Variants in ZWILCH observed in about 807,000 individuals in gnomAD.
The protein encoded by ZWILCH is protein zwilch homolog.
In ZWILCH, 74 loss-of-function variants were observed where a neutral mutation model predicts 79.9. That is an observed-to-expected ratio of 0.93 (90% CI 0.77 to 1.12). ZWILCH has a LOEUF of 1.12. Among genes scored for constraint, ZWILCH ranks in the 50% most tolerant of loss-of-function variants. The pLI is 0.00. For missense variants in ZWILCH, 694 were observed against 687.5 expected (o/e 1.01, Z -0.11); for synonymous variants, 241 against 228.2 (o/e 1.06, Z -0.51).
chr15:66,530,321 C>T (rs949363688), intron 12 of ZWILCH, among the ~76,000 whole-genome samples: 4 of 152,130 alleles, frequency 2.6e-5, no homozygotes, highest in Admixed American at 6.6e-5. Context: ...ATAGCAGTCA[C>T]CTCTGGTGGA....
chr15:66,505,911 T>TTCCATCAAGTTCTGCATCCTATGA (rs1458088786), intron 1 of ZWILCH, among the ~76,000 whole-genome samples: 2 of 152,254 alleles, frequency 1.3e-5, no homozygotes, highest in African/African-American at 4.8e-5. Context: ...GGTGAAGTAC[T>TTCCATCAAGTTCTGCATCCTATGA]ACTACCAAGG....
At chr15:66,514,816 A>T (rs923673112) in intron 3 of ZWILCH, among the ~76,000 whole-genome samples, 10 of 152,332 alleles carry the variant, frequency 6.6e-5, no homozygotes, top group African/African-American at 2.4e-4. Flanking sequence ...TGCCCTAGAG[A>T]AAAAGACTGT....
In ZWILCH at chr15:66,506,569, T is replaced by C. The variant is rs554335122; in HGVS notation, c.53+1178T>C. Among the ~76,000 whole-genome samples the C allele has an allele frequency of 4.6e-5, 7 of 152,218 alleles. No individual in the cohort carries two copies. The South Asian group carries it at 6.2e-4, about 14-fold the overall frequency. On this transcript the variant is annotated intron_variant, in intron 1 of 18. Coordinates refer to ENST00000307897, the MANE Select transcript of ZWILCH (RefSeq NM_017975.5). ...CTGTAATCCCAGCTACTTGGGAGAA[T>C]TGCTTGAACTCGGGAGGCAGAGGTT...
At chr15:66,517,446 A>ATGTG (rs1555424259) in intron 4 of ZWILCH, among the ~76,000 whole-genome samples, 1 of 125,786 alleles carries the variant, frequency 8.0e-6, no homozygotes, top group Non-Finnish European at 1.7e-5. Flanking sequence ...ATATATATAT[A>ATGTG]TATATATATA....
At chr15:66,546,929 G>T (rs1193531820) in intron 18 of ZWILCH, 2 of 199,826 alleles carry the variant, frequency 1.0e-5, no homozygotes, top group African/African-American at 2.3e-5. Flanking sequence ...TAAAACCAGA[G>T]AAATAAAAAA....
intron 10 of ZWILCH, 89 bp from the exon 11 acceptor site, chr15:66,528,763 C>A: frequency 9.6e-7 from 1 of 1,042,206 alleles, no homozygotes; most frequent in Non-Finnish European, 1.4e-6. Context: ...GTTCATGAAT[C>A]CATAATTTCT....
At chr15:66,537,296 G>T in intron 16 of ZWILCH, 33 bp downstream of exon 16, 1 of 1,523,628 alleles carries the variant, frequency 6.6e-7, no homozygotes, top group Non-Finnish European at 9.1e-7. Context: ...GGTGGCTCAT[G>T]CCTGTAATCC....
Position 66,515,646 on chromosome 15 carries a change from T to C in ZWILCH, c.320+2T>C. On this transcript the variant is annotated splice_donor_variant, in intron 4 of 18. Transcript: ENST00000307897. LOFTEE classifies it high-confidence loss of function. ...TGCTTTACCAGTTGGGAAGGCAAGG[T>C]AGGTTTTCTCTTATGCTGAGTAGGG... 1 of 1,603,314 alleles carries C rather than the reference T, an allele frequency of 6.2e-7. No individual in the cohort carries two copies. The highest frequency in any genetic ancestry group is 8.5e-7 in the Non-Finnish European group (1 of 1,170,742).
intron 8 of ZWILCH, among the ~76,000 whole-genome samples, chr15:66,526,029 G>A (rs1894662700): frequency 6.6e-6 from 1 of 152,064 alleles, no homozygotes; most frequent in South Asian, 2.1e-4. Context: ...CACCCAAAGT[G>A]CTGGGATTAC....
At chr15:66,505,640 C>A in intron 1 of ZWILCH, 1 of 527,732 alleles carries the variant, frequency 1.9e-6, no homozygotes, top group South Asian at 2.5e-5. Context: ...TTCCAAGAGG[C>A]GATTTATTCT....
Position 66,546,572 on chromosome 15 carries a change from ACT to A in ZWILCH, c.1688-14_1688-13del, listed in dbSNP as rs1272701142. The A allele has an allele frequency of 1.3e-5, 20 of 1,574,600 alleles. No individual in the cohort carries two copies. The highest frequency in any genetic ancestry group is 1.7e-5 in the Non-Finnish European group (19 of 1,150,908). On this transcript the variant is annotated splice_polypyrimidine_tract_variant and intron_variant, in intron 17 of 18. Coordinates refer to ENST00000307897, the MANE Select transcript of ZWILCH (RefSeq NM_017975.5). The stretch of plus-strand genomic sequence containing the variant: ...CAGGGTGTTAAGCAATTCTGATCTC[ACT>A]CTCTTTTTGATTACAGATTTTTCGG...
In ZWILCH at chr15:66,520,591, T is replaced by C; in HGVS notation, c.522T>C (p.Ala174=). 6.9e-7 allele frequency: 1 copy of C among 1,446,620 alleles called. No homozygotes were observed. The highest frequency in any genetic ancestry group is 9.6e-7 in the Non-Finnish European group (1 of 1,037,196). 89.6% of individuals were successfully genotyped at this position (1,446,620 alleles called of 1,614,324 possible). Residue 174 remains alanine (A), a splice_region_variant and synonymous_variant, in exon 6 of 19, where the codon GCT becomes GCC. Transcript: ENST00000307897. ...ATTTCTTTCTTTCATTTCCTATAGC[T>C]GATAAAAATTATTCTGTAAATCTTG... is the stretch of plus-strand genomic sequence containing the variant. ...GIVLYVVSCK[A]DKNYSVNLEN... is the part of the protein sequence containing the mutation.
In ZWILCH at chr15:66,546,572, A is replaced by C; in HGVS notation, c.1688-19A>C. The C allele has an allele frequency of 1.9e-6, 3 of 1,574,718 alleles. No homozygotes were observed. The highest frequency in any genetic ancestry group is 2.6e-6 in the Non-Finnish European group (3 of 1,150,900). Reference sequence around the variant, plus strand: ...CAGGGTGTTAAGCAATTCTGATCTCACTCTCTTTTTGATTACAGATTTTTC... The same window carrying C: ...CAGGGTGTTAAGCAATTCTGATCTCCCTCTCTTTTTGATTACAGATTTTTC... On this transcript the variant is annotated intron_variant, in intron 17 of 18. Coordinates refer to ENST00000307897, the MANE Select transcript of ZWILCH (RefSeq NM_017975.5).
chr15:66,520,812 A>G, intron 6 of ZWILCH, 152 bp downstream of exon 6: 1 of 722,034 alleles, frequency 1.4e-6, no homozygotes, highest in Non-Finnish European at 2.3e-6. Context: ...CTAATGACCA[A>G]AATTAAAATG....
At chr15:66,529,054 GGAAGT>G in intron 11 of ZWILCH, 97 bp downstream of exon 11, 1 of 926,422 alleles carries the variant, frequency 1.1e-6, no homozygotes, top group Admixed American at 2.3e-5. Flanking sequence ...AGTTTTGTGG[GGAAGT>G]CTGGTTCTTA....
chr15:66,505,653 C>G, intron 1 of ZWILCH: 2 of 511,154 alleles, frequency 3.9e-6, no homozygotes, highest in South Asian at 5.1e-5. Flanking sequence ...TTTATTCTTT[C>G]TGCTGATGGA....
intron 10 of ZWILCH, among the ~76,000 whole-genome samples, chr15:66,528,524 A>G (rs978002384): frequency 6.6e-6 from 1 of 152,212 alleles, no homozygotes; most frequent in Non-Finnish European, 1.5e-5. Context: ...ATATATTAAT[A>G]TACTCTAAGA....
At chr15:66,517,455 T>TATATATATATATAGAGAGAGAGAG (rs1180456312) in intron 4 of ZWILCH, among the ~76,000 whole-genome samples, 4 of 115,214 alleles carry the variant, frequency 3.5e-5, no homozygotes, top group South Asian at 2.9e-4. Context: ...TATATATATA[T>TATATATATATATAGAGAGAGAGAG]AGTAATGTAC....
chr15:66,527,138 C>T (rs1894700827), intron 8 of ZWILCH, 152 bp from the exon 9 acceptor site: 1 of 604,930 alleles, frequency 1.7e-6, no homozygotes, highest in South Asian at 2.1e-5. Flanking sequence ...GATTAAATAA[C>T]ATGTACTATA....
Sources: allele counts gnomAD v4.1 joint callset (sites outside exome capture counted in the v4.1 genomes callset), GRCh38; gene constraint gnomAD v4.1.1; transcripts MANE v1.5; gene names NCBI Gene and HGNC (gene_info 2026-07-23, HGNC 2026-07-21).